Variants in FRMD4B observed in about 807,000 individuals in gnomAD.
FRMD4B encodes FERM domain containing 4B.
A neutral mutation model predicts 141.5 loss-of-function variants in FRMD4B; 74 were observed. The ratio of observed to expected loss-of-function variants is 0.52; its 90% CI spans 0.43 to 0.63. The LOEUF is 0.63. FRMD4B is among the 30% of genes least tolerant of loss of function. The pLI, the probability that FRMD4B is intolerant of heterozygous loss-of-function variation, is 0.00. For synonymous variants in FRMD4B, 506 were observed against 467.9 expected (o/e 1.08, Z -1.05); for missense variants, 1,366 against 1,253.4 (o/e 1.09, Z -1.36).
intron 1 of FRMD4B, among the ~76,000 whole-genome samples, chr3:69,346,522 A>G (rs906118130): frequency 3.3e-5 from 5 of 152,288 alleles, no homozygotes; most frequent in African/African-American, 1.2e-4. Flanking sequence ...TCCAAGACAC[A>G]TAATTGTCAG....
At chr3:69,450,161 T>C (rs543989664) in intron 1 of FRMD4B, among the ~76,000 whole-genome samples, 1 of 152,230 alleles carries the variant, frequency 6.6e-6, no homozygotes, top group Admixed American at 6.5e-5. Context: ...CAGACAATAA[T>C]CATTAGCCAT....
intron 5 of FRMD4B, among the ~76,000 whole-genome samples, chr3:69,284,584 A>G (rs2093658701): frequency 6.6e-6 from 1 of 152,194 alleles, no homozygotes; most frequent in South Asian, 2.1e-4. Flanking sequence ...CCCAAAACCA[A>G]ACATCAAGAA....
In FRMD4B at chr3:69,353,785, A is replaced by T. The variant is rs1024351874; in HGVS notation, c.162+32043T>A. 16 of 796,036 alleles carry T rather than the reference A, an allele frequency of 2.0e-5. No homozygotes were observed. The African/African-American group carries it at 2.3e-4, about 11-fold the overall frequency. 49.3% of individuals were successfully genotyped at this position (796,036 alleles called of 1,614,324 possible). ...ATACTGTTTGTTTCTTTGATTAGAA[A>T]CAAAAGCCTTTCAATATGAGTCACG... On this transcript the variant is annotated intron_variant, in intron 1 of 22. Coordinates refer to ENST00000398540, the MANE Select transcript of FRMD4B (RefSeq NM_015123.3).
intron 1 of FRMD4B, among the ~76,000 whole-genome samples, chr3:69,461,623 C>CAAAAAAAA (rs58143332): frequency 3.0e-4 from 13 of 43,458 alleles, no homozygotes; most frequent in African/African-American, 6.1e-4. Flanking sequence ...GACTCTGTCT[C>CAAAAAAAA]AAAAAAAAAA....
intron 18 of FRMD4B, among the ~76,000 whole-genome samples, chr3:69,188,819 C>T (rs2092802277): frequency 6.6e-6 from 1 of 150,716 alleles, no homozygotes; most frequent in African/African-American, 2.4e-5. Context: ...GTGTGGTTTC[C>T]TGGAATTCTT....
At chr3:69,502,888 A>G (rs1470819937) in intron 1 of FRMD4B, among the ~76,000 whole-genome samples, 2 of 152,226 alleles carry the variant, frequency 1.3e-5, no homozygotes, top group African/African-American at 2.4e-5. Flanking sequence ...ATGAACAGAC[A>G]CTTCTCAAGA....
chr3:69,530,624 C>T (rs1315521193), intron 1 of FRMD4B, among the ~76,000 whole-genome samples: 1 of 151,754 alleles, frequency 6.6e-6, no homozygotes, highest in Non-Finnish European at 1.5e-5. Context: ...TGAACTAAGA[C>T]GTTTAGTATC....
chr3:69,460,695 G>A (rs902519689), intron 1 of FRMD4B, among the ~76,000 whole-genome samples: 1 of 152,116 alleles, frequency 6.6e-6, no homozygotes, highest in African/African-American at 2.4e-5. Flanking sequence ...AGCAACCATA[G>A]ACAATATGGA....
At chr3:69,184,190 G>A (rs1039970323) in intron 19 of FRMD4B, among the ~76,000 whole-genome samples, 1 of 152,192 alleles carries the variant, frequency 6.6e-6, no homozygotes, top group Admixed American at 6.5e-5. Context: ...GGGATTACAG[G>A]CGTGAGCCGC....
At chr3:69,177,510 C>A (rs772155602) in intron 21 of FRMD4B, among the ~76,000 whole-genome samples, 12 of 151,966 alleles carry the variant, frequency 7.9e-5, no homozygotes, top group Non-Finnish European at 1.0e-4. Context: ...ATTAGCCTGG[C>A]ATGGTGGTGC....
intron 8 of FRMD4B, among the ~76,000 whole-genome samples, chr3:69,223,468 T>C (rs1241615593): frequency 6.6e-6 from 1 of 152,024 alleles, no homozygotes; most frequent in Non-Finnish European, 1.5e-5. Flanking sequence ...TGAGCGGAGA[T>C]TGTGCCATTA....
In FRMD4B at chr3:69,295,378, G is replaced by A. The variant is rs1462946582; in HGVS notation, c.416+6965C>T. On this transcript the variant is annotated intron_variant, in intron 4 of 22. Transcript: ENST00000398540. The stretch of plus-strand genomic sequence containing the variant: ...GCTCTGCTGCCCGGGCTAGAGTGCA[G>A]TGGCCTGATCACCGCTCACTGCAGC... Among the ~76,000 whole-genome samples the A allele has an allele frequency of 2.6e-5, 4 of 151,946 alleles. No individual in the cohort carries two copies. In the South Asian group the frequency reaches 6.2e-4, roughly 24 times the overall value.
intron 1 of FRMD4B, among the ~76,000 whole-genome samples, chr3:69,380,362 C>G (rs1010485674): frequency 2.0e-5 from 3 of 152,122 alleles, no homozygotes; most frequent in African/African-American, 4.8e-5. Flanking sequence ...ACTAGAGGAA[C>G]TAGTCTCACC....
chr3:69,180,704 C>T (rs947399310), intron 21 of FRMD4B, among the ~76,000 whole-genome samples, 195 bp downstream of exon 21: 1 of 152,122 alleles, frequency 6.6e-6, no homozygotes, highest in African/African-American at 2.4e-5. Flanking sequence ...TCATTAGACT[C>T]ATGTGTACTG....
chr3:69,510,923 A>G (rs1436998608), intron 1 of FRMD4B, among the ~76,000 whole-genome samples: 3 of 152,236 alleles, frequency 2.0e-5, no homozygotes, highest in Non-Finnish European at 2.9e-5. Flanking sequence ...TTACATTCTT[A>G]TAGTTGACCA....
intron 1 of FRMD4B, among the ~76,000 whole-genome samples, chr3:69,445,069 C>T (rs1276873619): frequency 6.6e-6 from 1 of 152,150 alleles, no homozygotes; most frequent in Non-Finnish European, 1.5e-5. Context: ...AAGTAAACTC[C>T]TCCGAGCACT....
intron 1 of FRMD4B, among the ~76,000 whole-genome samples, chr3:69,527,575 C>T (rs1195137966): frequency 2.0e-5 from 3 of 152,162 alleles, no homozygotes; most frequent in Non-Finnish European, 4.4e-5. Flanking sequence ...TTTTTATTTC[C>T]ACCTTTATAT....
At chr3:69,427,162 T>A (rs1705095122) in intron 2 of FRMD4B, among the ~76,000 whole-genome samples, 2 of 151,578 alleles carry the variant, frequency 1.3e-5, no homozygotes, top group South Asian at 4.2e-4. Flanking sequence ...TACAAAGATT[T>A]CCAAAAAGTG....
At chr3:69,206,540 G>A (rs1382724860) in intron 11 of FRMD4B, among the ~76,000 whole-genome samples, 1 of 152,156 alleles carries the variant, frequency 6.6e-6, no homozygotes, top group Non-Finnish European at 1.5e-5. Context: ...ACCTTCCAGA[G>A]CTGATGTAAT....
Sources: gnomAD v4.1 joint callset for allele counts (sites outside exome capture counted in the v4.1 genomes callset) on GRCh38, gnomAD v4.1.1 for gene constraint, MANE v1.5 for transcripts, NCBI Gene and HGNC (gene_info 2026-07-23, HGNC 2026-07-21) for gene names.